Variants in EVL observed in about 807,000 individuals in gnomAD.
EVL encodes the protein ena/VASP-like protein.
Under a neutral mutation model 59.6 loss-of-function variants are expected in EVL, and 21 were observed. The ratio of observed to expected loss-of-function variants is 0.35; its 90% CI spans 0.25 to 0.51. The LOEUF (loss-of-function observed/expected upper bound fraction) is 0.51, where lower values mean the gene tolerates loss of function less well. Ranked by LOEUF, EVL falls within the 20% of genes least tolerant of loss-of-function variation. EVL has a pLI of 0.97. For synonymous variants in EVL, 198 were observed against 203.5 expected, an observed-to-expected ratio of 0.97 and a Z score of 0.23; for missense variants, 462 against 546.6, an observed-to-expected ratio of 0.85 and a Z score of 1.54.
At chr14:100,049,034 T>C (rs1887256) in intron 1 of EVL, among the ~76,000 whole-genome samples, 142,852 of 152,216 alleles carry the variant, frequency 0.94, 67,199 homozygotes, top group African/African-American at 0.96. Context: ...CACCAATCTA[T>C]GTAGGTGTTA....
At position 99,972,106 on chromosome 14, in the gene EVL, A is replaced by T. The variant is rs1186982616; in HGVS notation, c.5+49A>T. ...GGGAGGTGGCAGCGGCCAGCGTCGG[A>T]GGGGCTGGGCTGGGGGCCCGCGGTG... On this transcript the variant is annotated intron_variant, in intron 1 of 13. Coordinates refer to the EVL transcript ENST00000402714. This position sits in a 1 kb window ranked among gnomAD's most constrained non-coding sequence, Gnocchi z 4.4. 3 of 293,524 alleles carry T rather than the reference A, an allele frequency of 1.0e-5. No individual in the cohort carries two copies. The highest frequency in any genetic ancestry group is 1.9e-5 in the Non-Finnish European group (3 of 159,492). The allele number at this position is 293,524 out of a possible 1,614,324, so 18.2% of individuals were successfully genotyped here. A position where few individuals can be genotyped will look rare whatever the true frequency, so the allele number is the denominator to read the frequency against.
intron 5 of EVL, among the ~76,000 whole-genome samples, 191 bp downstream of exon 5, chr14:100,126,962 C>T (rs1888114247): frequency 6.6e-6 from 1 of 152,178 alleles, no homozygotes; most frequent in Non-Finnish European, 1.5e-5. Context: ...GGAGTCTGCT[C>T]AGCTGGGTCT....
intron 1 of EVL, among the ~76,000 whole-genome samples, chr14:99,991,645 A>G (rs1291938382): frequency 6.6e-6 from 1 of 152,252 alleles, no homozygotes; most frequent in Admixed American, 6.5e-5. Context: ...TACTAGAGCA[A>G]TGCGAAAATA....
At chr14:100,064,457 A>C (rs896230120), upstream of EVL, among the ~76,000 whole-genome samples, 2 of 152,370 alleles carry the variant, frequency 1.3e-5, no homozygotes, top group Admixed American at 6.5e-5. Flanking sequence ...CCCATTTTAC[A>C]GTTGAGGCCA....
At chr14:99,996,074 C>T (rs1013227623) in intron 1 of EVL, among the ~76,000 whole-genome samples, 1 of 152,152 alleles carries the variant, frequency 6.6e-6, no homozygotes, top group Non-Finnish European at 1.5e-5. Flanking sequence ...AGCTTCCCCC[C>T]TCCCCCACCA....
intron 2 of EVL, among the ~76,000 whole-genome samples, chr14:100,085,474 A>G (rs1023760252): frequency 2.0e-5 from 3 of 152,220 alleles, no homozygotes; most frequent in African/African-American, 7.2e-5. Context: ...AGGCTGGGCG[A>G]CTTAACCACA....
intron 1 of EVL, among the ~76,000 whole-genome samples, chr14:99,977,868 G>A (rs1481348117): frequency 3.3e-5 from 5 of 151,978 alleles, no homozygotes; most frequent in Admixed American, 3.3e-4. Context: ...GGCCAAGGCA[G>A]GCAGATCACC....
chr14:100,130,305 C>A lies in EVL; in HGVS notation c.839+621C>A, dbSNP rs1888354374. On this transcript the variant is annotated intron_variant, in intron 7 of 13. Transcript: ENST00000392920. The surrounding 1 kb of genome is among the most constrained non-coding windows in gnomAD (Gnocchi z 4.8). ...GCTCTCCGCTGTTCCCCAAATGAAA[C>A]CCGAGCAGATGGGGAGATCGTCCAG... is the stretch of plus-strand genomic sequence containing the variant. Among the ~76,000 whole-genome samples the A allele has an allele frequency of 6.6e-6, 1 of 152,228 alleles. No individual in the cohort carries two copies. The highest frequency in any genetic ancestry group is 2.1e-4 in the South Asian group (1 of 4,834).
chr14:100,083,369 T>G (rs796163009), intron 1 of EVL, among the ~76,000 whole-genome samples: 13 of 152,122 alleles, frequency 8.5e-5, no homozygotes, highest in South Asian at 4.1e-4. Context: ...TACAGTTTAC[T>G]CTATCTTTTT....
intron 1 of EVL, among the ~76,000 whole-genome samples, chr14:99,990,468 ACT>A (rs1327003268): frequency 6.6e-6 from 1 of 151,790 alleles, no homozygotes; most frequent in African/African-American, 2.4e-5. Context: ...CGAAACTGAA[ACT>A]CTAAACCCCA....
chr14:100,025,146 A>G (rs911973963), intron 1 of EVL, among the ~76,000 whole-genome samples: 1 of 152,154 alleles, frequency 6.6e-6, no homozygotes, highest in Non-Finnish European at 1.5e-5. Context: ...AAGTCAAATC[A>G]TGTCACTCCT....
intron 1 of EVL, among the ~76,000 whole-genome samples, chr14:100,024,710 A>G: frequency 6.6e-6 from 1 of 152,052 alleles, no homozygotes; most frequent in East Asian, 1.9e-4. Context: ...ATGAAAACAC[A>G]GTCCACATCA....
chr14:99,972,855 TGTAGTTTGTAA>T lies in EVL; in HGVS notation c.5+799_5+809del, dbSNP rs2060744350. 6.6e-6 allele frequency among the ~76,000 whole-genome samples: 1 copy of T among 152,134 alleles called. No individual in the cohort carries two copies. Among genetic ancestry groups the T allele is most frequent in the Non-Finnish European group, 1.5e-5 (1 of 68,022 alleles). On this transcript the variant is annotated intron_variant, in intron 1 of 13. Coordinates refer to the EVL transcript ENST00000402714. This position sits in a 1 kb window ranked among gnomAD's most constrained non-coding sequence, Gnocchi z 4.4. ...TTCTGAACACGTATCTCGTAAAAAC[TGTAGTTTGTAA>T]CTATAGTTTCGTTTTGCCTGTTTTG...
At chr14:100,012,261 T>C (rs2061021244) in intron 1 of EVL, among the ~76,000 whole-genome samples, 1 of 152,160 alleles carries the variant, frequency 6.6e-6, no homozygotes, top group Non-Finnish European at 1.5e-5. Context: ...CTTTTTTAGG[T>C]TATGGGGTCT....
intron 1 of EVL, among the ~76,000 whole-genome samples, chr14:100,041,953 A>G (rs2061473560): frequency 6.6e-6 from 1 of 152,234 alleles, no homozygotes; most frequent in Non-Finnish European, 1.5e-5. Flanking sequence ...CTCTGAAGCC[A>G]CACTGCCCAG....
intron 2 of EVL, among the ~76,000 whole-genome samples, chr14:100,093,153 G>A (rs2062600344): frequency 6.6e-6 from 1 of 152,210 alleles, no homozygotes; most frequent in Non-Finnish European, 1.5e-5. Flanking sequence ...CATTGGCCTT[G>A]TGTCACTGCA....
intron 11 of EVL, chr14:100,139,680 AAC>A (rs1473126653): frequency 6.6e-6 from 1 of 152,346 alleles, no homozygotes; most frequent in African/African-American, 2.4e-5. Flanking sequence ...GGCTGTGGGC[AAC>A]ACTGGTCCTC....
intron 1 of EVL, among the ~76,000 whole-genome samples, chr14:99,979,537 G>A (rs887564441): frequency 1.6e-4 from 25 of 151,894 alleles, no homozygotes; most frequent in African/African-American, 5.8e-4. Context: ...TGCATCTGTG[G>A]GTTCAACCAA....
intron 3 of EVL, chr14:100,107,034 A>G (rs1886614776): frequency 5.0e-6 from 2 of 398,198 alleles, no homozygotes; most frequent in Non-Finnish European, 8.8e-6. Flanking sequence ...TGAGCAAGTC[A>G]CCTCCTCCAT....
Sources: gnomAD v4.1 joint callset for allele counts (sites outside exome capture counted in the v4.1 genomes callset) on GRCh38, gnomAD v4.1.1 for gene constraint, Gnocchi (gnomAD v3.1) non-coding constraint, MANE v1.5 for transcripts, NCBI Gene and HGNC (gene_info 2026-07-23, HGNC 2026-07-21) for gene names.